PTPRN2: variants seen among roughly 807,000 people sequenced by gnomAD.
PTPRN2 encodes receptor-type tyrosine-protein phosphatase N2.
A neutral mutation model predicts 118.8 loss-of-function variants in PTPRN2; 74 were observed. The ratio of observed to expected loss-of-function variants is 0.62; its 90% CI spans 0.52 to 0.76. The LOEUF (loss-of-function observed/expected upper bound fraction) is 0.76. PTPRN2 is among the 30% of genes least tolerant of loss of function. The pLI is 0.00. For missense variants in PTPRN2, 1,481 were observed against 1,394.4 expected (o/e 1.06, Z -0.99); for synonymous variants, 641 against 608.0 (o/e 1.05, Z -0.80).
Position 157,677,070 on chromosome 7 carries a change from G to A in PTPRN2, c.2001+5655C>T, listed in dbSNP as rs183866398. Among the ~76,000 whole-genome samples, 38 of 152,232 alleles carry A rather than the reference G, an allele frequency of 2.5e-4. No individual in the cohort carries two copies. The East Asian group carries it at 7.0e-3, about 28-fold the overall frequency. On this transcript the variant is annotated intron_variant, in intron 13 of 22. Transcript: ENST00000389418. ...GGCTGCTGGAGTGCAGGGTGAGCAC[G>A]TCTGGAAGAAGCCTGCAGCCCCCAC...
At chr7:157,821,279 C>T (rs2081165186) in intron 12 of PTPRN2, among the ~76,000 whole-genome samples, 1 of 152,200 alleles carries the variant, frequency 6.6e-6, no homozygotes, top group Non-Finnish European at 1.5e-5. Context: ...TTATGAGAGG[C>T]CTATAAGACC....
intron 12 of PTPRN2, among the ~76,000 whole-genome samples, chr7:157,816,755 C>G (rs1200396450): frequency 6.6e-6 from 1 of 152,170 alleles, no homozygotes; most frequent in Admixed American, 6.5e-5. Flanking sequence ...ACCCTCTGCC[C>G]TCTGCCCTCT....
chr7:158,130,437 CAT>C (rs1441969653), intron 9 of PTPRN2, among the ~76,000 whole-genome samples: 1 of 137,136 alleles, frequency 7.3e-6, no homozygotes, highest in East Asian at 2.2e-4. Flanking sequence ...CACACACGTA[CAT>C]ACAGATACAC....
chr7:158,290,588 T>A (rs906584380), intron 3 of PTPRN2, among the ~76,000 whole-genome samples: 2 of 152,058 alleles, frequency 1.3e-5, no homozygotes, highest in African/African-American at 4.8e-5. Context: ...GGGTTTAACT[T>A]GGTTGGTGGG....
chr7:157,633,794 GGT>G (rs1193817632), intron 14 of PTPRN2, among the ~76,000 whole-genome samples: 1 of 152,228 alleles, frequency 6.6e-6, no homozygotes, highest in African/African-American at 2.4e-5. Context: ...TGAGGGCAAC[GGT>G]GTCCGGCAGA....
intron 1 of PTPRN2, among the ~76,000 whole-genome samples, chr7:158,500,026 C>A (rs1297509961): frequency 7.6e-6 from 1 of 131,384 alleles, no homozygotes; most frequent in Non-Finnish European, 1.6e-5. Context: ...AACTCTTACA[C>A]TTGAGCTAAA....
chr7:158,343,477 G>C (rs369822871), intron 2 of PTPRN2, among the ~76,000 whole-genome samples: 1 of 152,354 alleles, frequency 6.6e-6, no homozygotes, highest in East Asian at 1.9e-4. Context: ...GTAACCTGAT[G>C]CAGTCGCCGT....
chr7:158,164,727 A>G (rs1822770964), intron 6 of PTPRN2, among the ~76,000 whole-genome samples: 1 of 152,164 alleles, frequency 6.6e-6, no homozygotes, highest in African/African-American at 2.4e-5. Flanking sequence ...GAGATGGGAT[A>G]GGAGAGAGAA....
In PTPRN2 at chr7:157,560,586, C is replaced by A. The variant is rs1238099076; in HGVS notation, c.2902+8316G>T. ...CCCACATCCCTCACTGTTTCTCTTG[C>A]ACCAGAATAGCTCAGGGGAAGGAAA... On this transcript the variant is annotated intron_variant, in intron 21 of 22. Coordinates refer to ENST00000389418, the MANE Select transcript of PTPRN2 (RefSeq NM_002847.5). This position sits in a 1 kb window ranked among gnomAD's most constrained non-coding sequence, Gnocchi z 6.7. Among the ~76,000 whole-genome samples, 1 of 152,168 alleles carries A rather than the reference C, an allele frequency of 6.6e-6. No individual in the cohort carries two copies. The highest frequency in any genetic ancestry group is 1.5e-5 in the Non-Finnish European group (1 of 68,016).
chr7:158,166,736 A>T (rs1195444508), intron 6 of PTPRN2, among the ~76,000 whole-genome samples, 195 bp downstream of exon 6: 2 of 151,756 alleles, frequency 1.3e-5, no homozygotes, highest in Non-Finnish European at 2.9e-5. Flanking sequence ...ATGACCACAT[A>T]CTCCTTCCCA....
rs1825055534 is a variant in PTPRN2 at position 158,529,521 on chromosome 7, T to C, written c.113-39736A>G. 6.6e-6 allele frequency among the ~76,000 whole-genome samples: 1 copy of C among 152,222 alleles called. No individual in the cohort carries two copies. Among genetic ancestry groups the C allele is most frequent in the African/African-American group, 2.4e-5 (1 of 41,462 alleles). On this transcript the variant is annotated intron_variant, in intron 1 of 22. Transcript: ENST00000389418. The surrounding 1 kb of genome is among the most constrained non-coding windows in gnomAD (Gnocchi z 4.7). ...ACAGCTGCAAACTCACATCGCTGCC[T>C]CTGGAACCACAGAGTGCTCTGTATT...
chr7:158,075,863 C>G (rs1812316236), intron 11 of PTPRN2, among the ~76,000 whole-genome samples: 1 of 152,230 alleles, frequency 6.6e-6, no homozygotes, highest in Admixed American at 6.5e-5. Flanking sequence ...CTGCGTTGAT[C>G]CTGGCAGCAG....
chr7:157,582,066 C>T (rs1283861867), intron 17 of PTPRN2, among the ~76,000 whole-genome samples: 1 of 152,220 alleles, frequency 6.6e-6, no homozygotes, highest in South Asian at 2.1e-4. Flanking sequence ...GGCTCCAGAA[C>T]TGCGAGGGGA....
At position 157,603,112 on chromosome 7, in the gene PTPRN2, C is replaced by T. The variant is rs1462437646; in HGVS notation, c.2418+890G>A. Among the ~76,000 whole-genome samples the T allele has an allele frequency of 3.9e-5, 6 of 152,204 alleles. No individual in the cohort carries two copies. Among genetic ancestry groups the T allele is most frequent in the Admixed American group, 1.3e-4 (2 of 15,286 alleles). The stretch of plus-strand genomic sequence containing the variant: ...GTTTAAAGTGCCATCCGCCAGGTCT[C>T]CAAAGCCCCGGCCCTGGACAGTGTC... On this transcript the variant is annotated intron_variant, in intron 16 of 22. Coordinates refer to ENST00000389418, the MANE Select transcript of PTPRN2 (RefSeq NM_002847.5). This position sits in a 1 kb window ranked among gnomAD's most constrained non-coding sequence, Gnocchi z 5.4.
chr7:158,456,252 C>T lies in PTPRN2; in HGVS notation c.163+33483G>A, dbSNP rs116006236. On this transcript the variant is annotated intron_variant, in intron 2 of 22. Transcript: ENST00000389418. Reference sequence around the variant, plus strand: ...TCGCTCTGCAGAGAACGTAACGGCACGGATGCCATCGGCCACGGCCCCCCA... The same window carrying T: ...TCGCTCTGCAGAGAACGTAACGGCATGGATGCCATCGGCCACGGCCCCCCA... Among the ~76,000 whole-genome samples the T allele has an allele frequency of 8.5e-3, 1,172 of 138,570 alleles. 9 individuals are homozygous for T. The highest frequency in any genetic ancestry group is 0.03 in the African/African-American group (1,093 of 35,980). 90.9% of individuals were successfully genotyped at this position (138,570 alleles called of 152,430 possible). A position where few individuals can be genotyped will look rare whatever the true frequency, so the allele number is the denominator to read the frequency against.
chr7:158,095,435 T>C (rs1453610475), intron 10 of PTPRN2, among the ~76,000 whole-genome samples: 1 of 152,056 alleles, frequency 6.6e-6, no homozygotes, highest in Non-Finnish European at 1.5e-5. Flanking sequence ...TGGTGTTAAG[T>C]ATCTGCATAC....
At chr7:158,368,163 AG>A (rs1809676224) in intron 2 of PTPRN2, among the ~76,000 whole-genome samples, 2 of 152,176 alleles carry the variant, frequency 1.3e-5, no homozygotes. Flanking sequence ...TAACTTCAAC[AG>A]GGCAAACGTT....
rs199523795 is a variant in PTPRN2 at position 158,262,889 on chromosome 7, TCA to T, written c.277+53928_277+53929del. On this transcript the variant is annotated intron_variant, in intron 3 of 22. Transcript: ENST00000389418. ...ATTCACACACTGCACACACATACATTCACACACACTGCAAACATTCACACTGC... is the reference window on the plus strand; with the variant it reads ...ATTCACACACTGCACACACATACATTCACACACTGCAAACATTCACACTGC... Among the ~76,000 whole-genome samples, 929 of 114,156 alleles carry T rather than the reference TCA, an allele frequency of 8.1e-3. 6 individuals are homozygous for T. Among genetic ancestry groups the T allele is most frequent in the Non-Finnish European group, 8.7e-3 (490 of 56,108 alleles). The allele number at this position is 114,156 out of a possible 152,430, so 74.9% of individuals were successfully genotyped here.
intron 10 of PTPRN2, among the ~76,000 whole-genome samples, chr7:158,102,716 A>C (rs1019929046): frequency 2.0e-5 from 3 of 152,090 alleles, no homozygotes; most frequent in African/African-American, 7.2e-5. Flanking sequence ...TCAAGGACTC[A>C]TTGCATCACG....
Sources: gnomAD v4.1 joint callset for allele counts (sites outside exome capture counted in the v4.1 genomes callset) on GRCh38, gnomAD v4.1.1 for gene constraint, Gnocchi (gnomAD v3.1) non-coding constraint, MANE v1.5 for transcripts, NCBI Gene and HGNC (gene_info 2026-07-23, HGNC 2026-07-21) for gene names.